Variants in CAD observed in about 807,000 individuals in gnomAD.
CAD encodes the protein multifunctional protein CAD.
A neutral mutation model predicts 237.2 loss-of-function variants in CAD; 81 were observed. That is an observed-to-expected ratio of 0.34 (90% CI 0.29 to 0.41). The LOEUF (loss-of-function observed/expected upper bound fraction) is 0.41. Ranked by LOEUF, CAD falls within the 10% of genes least tolerant of loss-of-function variation. CAD has a pLI of 1.00. For missense variants in CAD, 2,181 were observed against 2,951.7 expected (o/e 0.74, Z 6.05); for synonymous variants, 1,196 against 1,162.8 (o/e 1.03, Z -0.58).
In CAD at chr2:27,242,689, C is replaced by T. The variant is rs1676377729; in HGVS notation, c.6292C>T (p.Arg2098Cys). 4 of 1,613,888 alleles carry T rather than the reference C, an allele frequency of 2.5e-6. No homozygotes were observed. The highest frequency in any genetic ancestry group is 3.4e-6 in the Non-Finnish European group (4 of 1,179,922). ...HSLACLLTQYRVSLRYVAPPS... is the reference protein window; with the variant it reads ...HSLACLLTQYCVSLRYVAPPS... ...CCTGGCCTGCCTGCTCACCCAGTAT[C>T]GTGTCAGCCTGCGCTACGTGGCACC... The change falls in exon 41 of 44, where the codon CGT becomes TGT. Residue 2098 changes from arginine to cysteine, a missense_variant. Transcript: ENST00000264705. This position sits in a 1 kb window ranked among gnomAD's most constrained non-coding sequence, Gnocchi z 6.4.
Position 27,220,418 on chromosome 2 carries a change from G to A in CAD, c.223-800G>A, listed in dbSNP as rs191647658. On this transcript the variant is annotated intron_variant, in intron 2 of 43. Coordinates refer to ENST00000264705, the MANE Select transcript of CAD (RefSeq NM_004341.5). ...AATCCCAGCACTTTGGAAGGCTGAG[G>A]TGGGGGGATCGCTTGAGCCCAGGAA... Among the ~76,000 whole-genome samples the A allele has an allele frequency of 1.6e-3, 250 of 152,178 alleles. 3 individuals carry two copies. Among genetic ancestry groups the A allele is most frequent in the East Asian group, 0.012 (61 of 5,178 alleles).
intron 15 of CAD, among the ~76,000 whole-genome samples, chr2:27,227,827 A>AC (rs1264218158): frequency 6.6e-6 from 1 of 152,228 alleles, no homozygotes; most frequent in Non-Finnish European, 1.5e-5. Context: ...ATCATGGAAA[A>AC]CGAGGAAAGA....
Position 27,239,768 on chromosome 2 carries a change from C to T in CAD, c.5466C>T (p.Pro1822=). 6.3e-7 allele frequency: 1 copy of T among 1,581,690 alleles called. No individual in the cohort carries two copies. Among genetic ancestry groups the T allele is most frequent in the South Asian group, 1.2e-5 (1 of 86,702 alleles). ...WPQGAVPQLP[P]SAPATSEMTT... is the part of the protein sequence containing the mutation. ...AGGGGGCTGTTCCTCAGCTCCCACC[C>T]TCAGCCCCTGCCACTAGTGAGATGA... Residue 1822 remains proline, a synonymous_variant, in exon 34 of 44, where the codon CCC becomes CCT. Coordinates refer to ENST00000264705, the MANE Select transcript of CAD (RefSeq NM_004341.5). The surrounding 1 kb of genome is among the most constrained non-coding windows in gnomAD (Gnocchi z 4.0).
intron 2 of CAD, among the ~76,000 whole-genome samples, chr2:27,219,481 T>C (rs1675045523): frequency 6.6e-6 from 1 of 152,180 alleles, no homozygotes; most frequent in African/African-American, 2.4e-5. Flanking sequence ...TAGCTGGGAC[T>C]ACAGGCACCT....
rs779854262 is a variant in CAD, at chr2:27,235,475, A to G, written c.3969+48A>G. On this transcript the variant is annotated intron_variant, in intron 24 of 43. Transcript: ENST00000264705. This position sits in a 1 kb window ranked among gnomAD's most constrained non-coding sequence, Gnocchi z 5.2. ...CCCGAGGGCCGTGGCTCCCTGGGCC[A>G]GGGCTGACCTTGAAATGGAAGACAG... is the stretch of plus-strand genomic sequence containing the variant. 7 of 1,611,060 alleles carry G rather than the reference A, an allele frequency of 4.3e-6. No individual in the cohort carries two copies. The highest frequency in any genetic ancestry group is 5.9e-6 in the Non-Finnish European group (7 of 1,177,768).
Position 27,232,277 on chromosome 2 carries a change from G to A in CAD, c.2645+53G>A. 6.2e-7 allele frequency: 1 copy of A among 1,605,026 alleles called. No homozygotes were observed. Among genetic ancestry groups the A allele is most frequent in the South Asian group, 1.1e-5 (1 of 90,012 alleles). ...CTGGGAAATGTGGGGCAGAACCTTT[G>A]TATCAGTGAGGGACCCTTGGGAGGG... On this transcript the variant is annotated intron_variant, in intron 17 of 43. Transcript: ENST00000264705. The surrounding 1 kb of genome is among the most constrained non-coding windows in gnomAD (Gnocchi z 4.1).
intron 2 of CAD, among the ~76,000 whole-genome samples, chr2:27,219,683 G>A (rs1377748895): frequency 2.6e-5 from 4 of 151,984 alleles, no homozygotes; most frequent in Non-Finnish European, 5.9e-5. Flanking sequence ...TCCGCCTCCC[G>A]GGTTCAAGCT....
chr2:27,235,518 C>T lies in CAD; in HGVS notation c.3970-18C>T, dbSNP rs1202552953. The T allele has an allele frequency of 6.2e-7, 1 of 1,613,504 alleles. No individual in the cohort carries two copies. The highest frequency in any genetic ancestry group is 2.2e-5 in the East Asian group (1 of 44,874). On this transcript the variant is annotated intron_variant, in intron 24 of 43. Transcript: ENST00000264705. The surrounding 1 kb of genome is among the most constrained non-coding windows in gnomAD (Gnocchi z 5.2). ...GAAGACAGGAAGAAAACAATTTCATCCTTCTGTTTGGTTTCAGAACAAAAG... is the reference window on the plus strand; with the variant it reads ...GAAGACAGGAAGAAAACAATTTCATTCTTCTGTTTGGTTTCAGAACAAAAG...
In CAD at chr2:27,243,455, C is replaced by T. The variant is rs1157842934; in HGVS notation, c.6615C>T (p.Arg2205=). The change falls in exon 44 of 44, where the codon CGC becomes CGT. Residue 2205 remains arginine, a synonymous_variant. Transcript: ENST00000264705. ...VDSDPRAAYF[R]QAENGMYIRM... is the part of the protein sequence containing the mutation. ...CGGATCCCCGCGCAGCCTACTTCCGCCAGGCTGAGAACGGCATGTACATCC... is the reference window on the plus strand; with the variant it reads ...CGGATCCCCGCGCAGCCTACTTCCGTCAGGCTGAGAACGGCATGTACATCC... 6.2e-7 allele frequency: 1 copy of T among 1,610,376 alleles called. No individual in the cohort carries two copies. Among genetic ancestry groups the T allele is most frequent in the Non-Finnish European group, 8.5e-7 (1 of 1,178,860 alleles).
chr2:27,231,529 G>A lies in CAD; in HGVS notation c.2349G>A (p.Val783=), dbSNP rs1675756540. The A allele has an allele frequency of 6.2e-7, 1 of 1,613,920 alleles. No homozygotes were observed. Among genetic ancestry groups the A allele is most frequent in the Non-Finnish European group, 8.5e-7 (1 of 1,179,812 alleles). The change falls in exon 16 of 44, where the codon GTG becomes GTA. Residue 783 remains valine (V), a synonymous_variant. Transcript: ENST00000264705. ...CCTTCCAGAAGGCCCTGCGCATGGT[G>A]GATGAGAACTGTGTGGGCTTTGATC... The part of the protein sequence containing the change: ...EEAFQKALRM[V]DENCVGFDHT...
chr2:27,231,482 A>G lies in CAD; in HGVS notation c.2302A>G (p.Ile768Val). The change falls in exon 16 of 44, where the codon ATT becomes GTT. Residue 768 changes from isoleucine to valine, a missense_variant. By Grantham distance (29) the Ile-to-Val change is conservative. Around this residue, in one of 12 missense-constraint regions of CAD, gnomAD observed 385 missense variants for 535.1 expected, o/e 0.72. Transcript: ENST00000264705. ...TGTTCTTCCAGGTGAAGTCATGGGC[A>G]TTGGGCGTTCATTTGAGGAGGCCTT... ...CMKSVGEVMG[I>V]GRSFEEAFQK... The G allele has an allele frequency of 3.7e-6, 6 of 1,607,030 alleles. No homozygotes were observed. The highest frequency in any genetic ancestry group is 5.1e-6 in the Non-Finnish European group (6 of 1,173,654).
At position 27,237,645 on chromosome 2, in the gene CAD, C is replaced by T. The variant is rs1217237763; in HGVS notation, c.4564-73C>T. 3 of 1,574,670 alleles carry T rather than the reference C, an allele frequency of 1.9e-6. No individual in the cohort carries two copies. Among genetic ancestry groups the T allele is most frequent in the Admixed American group, 3.5e-5 (2 of 57,266 alleles). ...TTCCTTCTGCCCCGCCCTATGGGCC[C>T]AGGCCACTGGTGCCAGGCTAGCCTG... On this transcript the variant is annotated intron_variant, in intron 28 of 43. Coordinates refer to ENST00000264705, the MANE Select transcript of CAD (RefSeq NM_004341.5). This position sits in a 1 kb window ranked among gnomAD's most constrained non-coding sequence, Gnocchi z 4.0.
chr2:27,232,892 C>G lies in CAD; in HGVS notation c.2893-150C>G, dbSNP rs1675828339. The G allele has an allele frequency of 3.8e-6, 3 of 780,000 alleles. No homozygotes were observed. In the African/African-American group the frequency reaches 5.1e-5, roughly 13 times the overall value. The allele number at this position is 780,000 out of a possible 1,614,324, so 48.3% of individuals were successfully genotyped here. A position where few individuals can be genotyped will look rare whatever the true frequency, so the allele number is the denominator to read the frequency against. The stretch of plus-strand genomic sequence containing the variant: ...CTTCCCCAACACTTTGTACCTCCTT[C>G]CCTCCCAAGGCAGGGGTCCTGTACA... On this transcript the variant is annotated intron_variant, in intron 18 of 43. Coordinates refer to ENST00000264705, the MANE Select transcript of CAD (RefSeq NM_004341.5). The surrounding 1 kb of genome is among the most constrained non-coding windows in gnomAD (Gnocchi z 4.1).
intron 6 of CAD, among the ~76,000 whole-genome samples, chr2:27,223,255 ACT>A (rs1353462863): frequency 6.6e-6 from 1 of 152,074 alleles, no homozygotes; most frequent in African/African-American, 2.4e-5. Context: ...ACATGGTGAA[ACT>A]CTGTCTCTAC....
rs1156880937 is a variant in CAD at position 27,238,068 on chromosome 2, T to C, written c.4741T>C (p.Trp1581Arg). 9 of 1,614,146 alleles carry C rather than the reference T, an allele frequency of 5.6e-6. No individual in the cohort carries two copies. Among genetic ancestry groups the C allele is most frequent in the Non-Finnish European group, 7.6e-6 (9 of 1,180,012 alleles). ...VVQWMEHFET[W>R]PSHLPIVAHA... ...TTTCTGCTCCCAGCATTTCGAGACA[T>C]GGCCCTCCCACCTCCCCATTGTGGC... Residue 1581 changes from tryptophan to arginine, a missense_variant, in exon 30 of 44, where the codon TGG (tryptophan) becomes CGG (arginine). This residue lies in a region of CAD where 478 missense variants were observed against 515.0 expected (regional missense o/e 0.93). Coordinates refer to ENST00000264705, the MANE Select transcript of CAD (RefSeq NM_004341.5).
chr2:27,224,055 G>A, intron 8 of CAD, 26 bp downstream of exon 8: 2 of 1,515,778 alleles, frequency 1.3e-6, no homozygotes, highest in Non-Finnish European at 1.8e-6. Context: ...GAACTGGGTT[G>A]TGGACCTAAG....
rs1675452213 is a variant in CAD, at chr2:27,226,558, C to T, written c.2065C>T (p.Arg689Cys). ...CATTGAAGTGAATGCCAGGCTCTCTCGCAGCTCTGCCCTGGCCAGTAAGGC... is the reference window on the plus strand; with the variant it reads ...CATTGAAGTGAATGCCAGGCTCTCTTGCAGCTCTGCCCTGGCCAGTAAGGC... ...YIIEVNARLSRSSALASKATG... is the reference protein window; with the variant it reads ...YIIEVNARLSCSSALASKATG... Residue 689 changes from arginine (R) to cysteine (C), a missense_variant, in exon 14 of 44, where the codon CGC (arginine) becomes TGC (cysteine). Physicochemically the swap from Arg to Cys is radical, Grantham distance 180. Transcript: ENST00000264705. 2 of 1,614,144 alleles carry T rather than the reference C, an allele frequency of 1.2e-6. No homozygotes were observed. The highest frequency in any genetic ancestry group is 8.5e-7 in the Non-Finnish European group (1 of 1,179,996).
In CAD at chr2:27,239,885, A is replaced by T. The variant is rs994138298; in HGVS notation, c.5496+87A>T. On this transcript the variant is annotated intron_variant, in intron 34 of 43. Coordinates refer to ENST00000264705, the MANE Select transcript of CAD (RefSeq NM_004341.5). The surrounding 1 kb of genome is among the most constrained non-coding windows in gnomAD (Gnocchi z 4.0). ...TGAACATTTTCATTGGTGGTTCAGG[A>T]ACAATTGGGGTTTTCTTGAGGGACT... 3 of 996,304 alleles carry T rather than the reference A, an allele frequency of 3.0e-6. No individual in the cohort carries two copies. The highest frequency in any genetic ancestry group is 4.4e-6 in the Non-Finnish European group (3 of 681,902). 61.7% of individuals were successfully genotyped at this position (996,304 alleles called of 1,614,324 possible).
Position 27,233,654 on chromosome 2 carries a change from G to T in CAD, c.3245G>T (p.Gly1082Val). ...ESARQFCQTV[G>V]YPCVVRPSYV... ...GCTCGCCAATTCTGCCAGACCGTGG[G>T]GTACCCCTGTGTGGTGCGCCCCTCC... The change falls in exon 21 of 44, where the codon GGG becomes GTG. Residue 1082 changes from glycine to valine, a missense_variant. This residue lies in a region of CAD where 306 missense variants were observed against 607.9 expected (regional missense o/e 0.50). Coordinates refer to ENST00000264705, the MANE Select transcript of CAD (RefSeq NM_004341.5). This position sits in a 1 kb window ranked among gnomAD's most constrained non-coding sequence, Gnocchi z 6.3. The T allele has an allele frequency of 1.2e-6, 2 of 1,614,168 alleles. No homozygotes were observed. Among genetic ancestry groups the T allele is most frequent in the Non-Finnish European group, 1.7e-6 (2 of 1,180,046 alleles).
Sources: allele counts gnomAD v4.1 joint callset (sites outside exome capture counted in the v4.1 genomes callset), GRCh38; gene constraint gnomAD v4.1.1; regional missense constraint gnomAD v4.1.1; non-coding constraint Gnocchi (gnomAD v3.1); transcripts MANE v1.5; gene names NCBI Gene and HGNC (gene_info 2026-07-23, HGNC 2026-07-21).